PLCE1: variants seen among roughly 807,000 people sequenced by gnomAD.
The protein encoded by PLCE1 is phospholipase C epsilon 1, also known as 1-phosphatidylinositol 4,5-bisphosphate phosphodiesterase epsilon-1.
In PLCE1, 119 loss-of-function variants were observed where a neutral mutation model predicts 242.8. The ratio of observed to expected loss-of-function variants is 0.49; its 90% CI spans 0.42 to 0.57. The LOEUF is 0.57. Ranked by LOEUF, PLCE1 falls within the 20% of genes least tolerant of loss-of-function variation. The pLI, the probability that PLCE1 is intolerant of heterozygous loss-of-function variation, is 0.00. For missense variants in PLCE1, 2,441 were observed against 2,788.8 expected, an observed-to-expected ratio of 0.88 and a Z score of 2.81; for synonymous variants, 945 against 1,017.4, an observed-to-expected ratio of 0.93 and a Z score of 1.35.
At chr10:94,134,588 TAC>T (rs1488942579) in intron 3 of PLCE1, among the ~76,000 whole-genome samples, 1 of 152,210 alleles carries the variant, frequency 6.6e-6, no homozygotes, top group Non-Finnish European at 1.5e-5. Flanking sequence ...GACAAATGTA[TAC>T]AGTTTTTATT....
At chr10:94,077,146 C>T (rs763164940) in intron 2 of PLCE1, among the ~76,000 whole-genome samples, 2 of 152,194 alleles carry the variant, frequency 1.3e-5, no homozygotes, top group Admixed American at 1.3e-4. Context: ...TGTATCAGGG[C>T]TGCCTATGAA....
chr10:94,320,340 A>G (rs1198035794), intron 29 of PLCE1, among the ~76,000 whole-genome samples: 2 of 151,748 alleles, frequency 1.3e-5, no homozygotes, highest in East Asian at 1.9e-4. Flanking sequence ...AAGTTAAAAT[A>G]GATTATATAT....
chr10:94,255,908 ACACACACTCT>A (rs1195319805), intron 11 of PLCE1, among the ~76,000 whole-genome samples: 20 of 96,268 alleles, frequency 2.1e-4, no homozygotes, highest in African/African-American at 1.2e-4. Flanking sequence ...ACACACACAC[ACACACACTCT>A]CTCTCTCTCT....
intron 2 of PLCE1, among the ~76,000 whole-genome samples, chr10:94,079,397 G>A (rs897541844): frequency 2.0e-5 from 3 of 152,214 alleles, no homozygotes; most frequent in East Asian, 3.9e-4. Context: ...ATCCCAAGAT[G>A]TCGGTTTTCA....
chr10:94,035,574 T>C (rs2061648324), intron 2 of PLCE1, among the ~76,000 whole-genome samples: 2 of 152,142 alleles, frequency 1.3e-5, no homozygotes, highest in Non-Finnish European at 1.5e-5. Flanking sequence ...CTGAGCAGGC[T>C]TGGAGGAGGC....
intron 2 of PLCE1, among the ~76,000 whole-genome samples, chr10:94,049,904 A>G (rs1424662732): frequency 6.6e-6 from 1 of 152,176 alleles, no homozygotes; most frequent in Non-Finnish European, 1.5e-5. Flanking sequence ...ACCCAACCTT[A>G]TATCTGTAAG....
At position 94,082,626 on chromosome 10, in the gene PLCE1, T is replaced by C. The variant is rs1046686264; in HGVS notation, c.1207-49548T>C. On this transcript the variant is annotated intron_variant, in intron 2 of 32. Coordinates refer to ENST00000371380, the MANE Select transcript of PLCE1 (RefSeq NM_016341.4). ...AGAGCCCAGCACAGTGCCTGAGACA[T>C]AGTAGGTGCTCATAATGTATTTTTG... 3.3e-5 allele frequency among the ~76,000 whole-genome samples: 5 copies of C among 152,276 alleles called. No individual in the cohort carries two copies. In the South Asian group the frequency reaches 8.3e-4, roughly 25 times the overall value.
intron 1 of PLCE1, among the ~76,000 whole-genome samples, chr10:94,005,894 G>T (rs1313547670): frequency 6.6e-6 from 1 of 152,150 alleles, no homozygotes; most frequent in Non-Finnish European, 1.5e-5. Context: ...ATGAAGCCAA[G>T]GCCAGGGACT....
Position 94,304,565 on chromosome 10 carries a change from A to G in PLCE1, c.5542A>G (p.Lys1848Glu). The G allele has an allele frequency of 1.2e-6, 2 of 1,613,594 alleles. No homozygotes were observed. Among genetic ancestry groups the G allele is most frequent in the Non-Finnish European group, 8.5e-7 (1 of 1,179,480 alleles). The change falls in exon 25 of 33, where the codon AAG becomes GAG. Residue 1848 changes from lysine (K) to glutamate (E), a missense_variant. Transcript: ENST00000371380. ...ATTGAAACCTCCAGTTCTGTGGGACAAGAACTGCCCCATGTATCAGAAGTT... is the reference window on the plus strand; with the variant it reads ...ATTGAAACCTCCAGTTCTGTGGGACGAGAACTGCCCCATGTATCAGAAGTT... ...YVLKPPVLWD[K>E]NCPMYQKFSP...
At chr10:94,110,605 A>G (rs2045925490) in intron 2 of PLCE1, among the ~76,000 whole-genome samples, 1 of 152,262 alleles carries the variant, frequency 6.6e-6, no homozygotes, top group African/African-American at 2.4e-5. Context: ...TACATTATGT[A>G]GAAAAGCAGA....
chr10:94,250,213 G>A lies in PLCE1; in HGVS notation c.3097-2103G>A, dbSNP rs1179824496. ...TAGTCCATCTCCCACATTAAAAAAA[G>A]AAGGTAGGCCAGGTGCGGTGGCTCA... is the stretch of plus-strand genomic sequence containing the variant. On this transcript the variant is annotated intron_variant, in intron 8 of 32. Transcript: ENST00000371380. 5.3e-5 allele frequency among the ~76,000 whole-genome samples: 8 copies of A among 149,842 alleles called. No individual in the cohort carries two copies. In the East Asian group the frequency reaches 1.4e-3, roughly 26 times the overall value.
intron 3 of PLCE1, among the ~76,000 whole-genome samples, chr10:94,147,609 G>A (rs1454208261): frequency 6.6e-6 from 1 of 152,180 alleles, no homozygotes; most frequent in East Asian, 1.9e-4. Flanking sequence ...AGCGGAGGGG[G>A]CTGGATTGAA....
At position 94,109,478 on chromosome 10, in the gene PLCE1, C is replaced by A. The variant is rs572242768; in HGVS notation, c.1207-22696C>A. ...CAAAAATTCGCCATGCATGGTGGCA[C>A]GTTCCTATAGTTCCAGCTACTTGGG... is the stretch of plus-strand genomic sequence containing the variant. On this transcript the variant is annotated intron_variant, in intron 2 of 32. Transcript: ENST00000371380. 2.6e-5 allele frequency among the ~76,000 whole-genome samples: 4 copies of A among 152,218 alleles called. No individual in the cohort carries two copies. In the East Asian group the frequency reaches 7.7e-4, roughly 29 times the overall value.
At chr10:94,025,900 G>A (rs1233497158) in intron 1 of PLCE1, among the ~76,000 whole-genome samples, 2 of 152,108 alleles carry the variant, frequency 1.3e-5, no homozygotes, top group Non-Finnish European at 2.9e-5. Flanking sequence ...TTTCTGTAAA[G>A]AGCCAGATGG....
chr10:94,206,183 G>C (rs1050830820), intron 4 of PLCE1, among the ~76,000 whole-genome samples: 4 of 152,170 alleles, frequency 2.6e-5, no homozygotes, highest in African/African-American at 4.8e-5. Flanking sequence ...GAGTAAAGAA[G>C]GGAGGGTTGA....
intron 7 of PLCE1, among the ~76,000 whole-genome samples, chr10:94,237,044 C>T (rs912928340): frequency 2.6e-5 from 4 of 152,050 alleles, no homozygotes; most frequent in African/African-American, 9.7e-5. Context: ...TTCTGAGATT[C>T]CTAGCAGTCA....
chr10:94,008,205 A>C (rs889108951), intron 1 of PLCE1, among the ~76,000 whole-genome samples: 1 of 132,832 alleles, frequency 7.5e-6, no homozygotes, highest in Non-Finnish European at 1.5e-5. Flanking sequence ...AAAAAAAAAA[A>C]AAAAAAAAAG....
At chr10:94,212,689 C>T (rs960559406) in intron 4 of PLCE1, among the ~76,000 whole-genome samples, 5 of 152,184 alleles carry the variant, frequency 3.3e-5, no homozygotes, top group African/African-American at 1.2e-4. Context: ...TCATATGGCT[C>T]CAGACACTTT....
At chr10:94,319,054 CA>C (rs535167792) in intron 29 of PLCE1, among the ~76,000 whole-genome samples, 4 of 151,328 alleles carry the variant, frequency 2.6e-5, no homozygotes, top group African/African-American at 9.7e-5. Flanking sequence ...TCTTTAAAAA[CA>C]AAAAAAAGTA....
Sources: gnomAD v4.1 joint callset for allele counts (sites outside exome capture counted in the v4.1 genomes callset) on GRCh38, gnomAD v4.1.1 for gene constraint, MANE v1.5 for transcripts, NCBI Gene and HGNC (gene_info 2026-07-23, HGNC 2026-07-21) for gene names.